Variants in ZMIZ1 observed in about 807,000 individuals in gnomAD.
ZMIZ1 encodes the protein zinc finger MIZ-type containing 1.
Under a neutral mutation model 113.9 loss-of-function variants are expected in ZMIZ1, and 17 were observed. The observed-to-expected ratio is 0.15, with a 90% CI of 0.10 to 0.22. The LOEUF is 0.22. Ranked by LOEUF, ZMIZ1 falls within the 10% of genes least tolerant of loss-of-function variation. The pLI is 1.00. For synonymous variants in ZMIZ1, 607 were observed against 603.1 expected, an observed-to-expected ratio of 1.01 and a Z score of -0.09; for missense variants, 1,059 against 1,477.8, an observed-to-expected ratio of 0.72 and a Z score of 4.65.
chr10:79,264,463 C>T (rs925631895), intron 7 of ZMIZ1, among the ~76,000 whole-genome samples: 5 of 152,226 alleles, frequency 3.3e-5, no homozygotes, highest in African/African-American at 1.2e-4. Context: ...CACCTCTCCC[C>T]TCTCCAGCAC....
chr10:79,274,880 G>C (rs530058739), intron 7 of ZMIZ1, among the ~76,000 whole-genome samples: 1 of 152,314 alleles, frequency 6.6e-6, no homozygotes, highest in Non-Finnish European at 1.5e-5. Flanking sequence ...CCGTGACATT[G>C]GAGGAAAGCC....
intron 1 of ZMIZ1, among the ~76,000 whole-genome samples, chr10:79,108,198 C>T (rs1265040945): frequency 2.0e-5 from 3 of 152,212 alleles, no homozygotes; most frequent in Non-Finnish European, 4.4e-5. Flanking sequence ...TCAGCATCCA[C>T]AGAGGAGCTT....
At chr10:79,273,545 A>G (rs1852076454) in intron 7 of ZMIZ1, among the ~76,000 whole-genome samples, 1 of 152,090 alleles carries the variant, frequency 6.6e-6, no homozygotes, top group Non-Finnish European at 1.5e-5. Context: ...TTTAGTAGAG[A>G]CAGCATTTCA....
chr10:79,250,605 G>C (rs1315174393), intron 7 of ZMIZ1, among the ~76,000 whole-genome samples: 1 of 152,364 alleles, frequency 6.6e-6, no homozygotes, highest in South Asian at 2.1e-4. Context: ...AAGCCCGCCA[G>C]TGATTTGCAC....
chr10:79,247,549 C>T (rs1477886509), intron 7 of ZMIZ1, among the ~76,000 whole-genome samples: 1 of 152,232 alleles, frequency 6.6e-6, no homozygotes, highest in Non-Finnish European at 1.5e-5. Context: ...AGCCATGGCC[C>T]TGACTTCTCC....
At chr10:79,292,997 G>T in intron 11 of ZMIZ1, 1 of 443,238 alleles carries the variant, frequency 2.3e-6, no homozygotes, top group Non-Finnish European at 4.4e-6. Context: ...AGGGGCTGCA[G>T]TCTCACTCGG....
intron 4 of ZMIZ1, among the ~76,000 whole-genome samples, chr10:79,168,378 C>T (rs763643032): frequency 1.3e-5 from 2 of 152,230 alleles, no homozygotes; most frequent in Non-Finnish European, 2.9e-5. Context: ...CATCTGCACA[C>T]AGGCACCCCA....
chr10:79,181,726 G>A (rs2132572176), intron 4 of ZMIZ1, among the ~76,000 whole-genome samples: 1 of 151,582 alleles, frequency 6.6e-6, no homozygotes, highest in East Asian at 2.0e-4. Flanking sequence ...GCCAGCCCTG[G>A]GACCTTGAGC....
intron 4 of ZMIZ1, among the ~76,000 whole-genome samples, chr10:79,178,868 C>T (rs1846986089): frequency 6.6e-6 from 1 of 152,154 alleles, no homozygotes; most frequent in African/African-American, 2.4e-5. Context: ...TGGTGGCAAC[C>T]ATGGGCCGTG....
chr10:79,306,278 G>A lies in ZMIZ1; in HGVS notation c.2602G>A (p.Gly868Ser), dbSNP rs887582331. Residue 868 changes from glycine to serine, a missense_variant, in exon 22 of 25, where the codon GGC (glycine) becomes AGC (serine). Transcript: ENST00000334512. ...VMEMIAALGP[G>S]PSPYPLPPPP... ...GGAGATGATCGCAGCCCTGGGCCCC[G>A]GCCCGTCCCCCTATCCCCTCCCGCC... The A allele has an allele frequency of 5.6e-6, 9 of 1,613,730 alleles. No individual in the cohort carries two copies. The highest frequency in any genetic ancestry group is 1.3e-5 in the African/African-American group (1 of 74,918).
chr10:79,314,165 G>T lies in ZMIZ1; in HGVS notation c.*1416G>T. On this transcript the variant is annotated 3_prime_UTR_variant, in exon 25 of 25. Transcript: ENST00000334512. ...TCCCTCCACCGCTTTGCTCCATCTGGCTTACCACTCTCCAGGGCCTCCTGG... is the reference window on the plus strand; with the variant it reads ...TCCCTCCACCGCTTTGCTCCATCTGTCTTACCACTCTCCAGGGCCTCCTGG... 2.2e-6 allele frequency: 1 copy of T among 457,022 alleles called. No homozygotes were observed. The highest frequency in any genetic ancestry group is 4.4e-6 in the Non-Finnish European group (1 of 226,992). 28.3% of individuals were successfully genotyped at this position (457,022 alleles called of 1,614,324 possible).
intron 7 of ZMIZ1, among the ~76,000 whole-genome samples, chr10:79,276,937 C>T (rs1003381209): frequency 2.6e-5 from 4 of 152,162 alleles, no homozygotes; most frequent in Non-Finnish European, 5.9e-5. Context: ...TTCCTGCACG[C>T]GGGCCATTCT....
intron 1 of ZMIZ1, among the ~76,000 whole-genome samples, chr10:79,076,160 C>G (rs913415642): frequency 2.0e-5 from 3 of 152,152 alleles, no homozygotes; most frequent in African/African-American, 7.2e-5. Context: ...GAAACTGAAC[C>G]ATGGAAAGAA....
chr10:79,107,259 C>T (rs1283818584), intron 1 of ZMIZ1, among the ~76,000 whole-genome samples: 2 of 152,246 alleles, frequency 1.3e-5, no homozygotes, highest in African/African-American at 4.8e-5. Context: ...ATTCAGTCAG[C>T]TTTTGTAGCC....
At chr10:79,238,576 G>A (rs1292684139) in intron 7 of ZMIZ1, among the ~76,000 whole-genome samples, 1 of 152,228 alleles carries the variant, frequency 6.6e-6, no homozygotes, top group African/African-American at 2.4e-5. Context: ...TGTGGTATGA[G>A]GGAAAGAATA....
intron 7 of ZMIZ1, among the ~76,000 whole-genome samples, chr10:79,221,217 G>A (rs1848953569): frequency 1.3e-5 from 2 of 152,192 alleles, no homozygotes; most frequent in Non-Finnish European, 2.9e-5. Flanking sequence ...GAGAGCTGGC[G>A]GTGAGCCGGC....
At chr10:79,262,441 A>T (rs897089728) in intron 7 of ZMIZ1, among the ~76,000 whole-genome samples, 2 of 152,246 alleles carry the variant, frequency 1.3e-5, no homozygotes, top group African/African-American at 4.8e-5. Context: ...CTGGGACCGC[A>T]CCATCCAGAC....
chr10:79,197,570 A>G (rs968016364), intron 4 of ZMIZ1, among the ~76,000 whole-genome samples: 1 of 145,806 alleles, frequency 6.9e-6, no homozygotes, highest in African/African-American at 2.6e-5. Flanking sequence ...AGCTGCCCTG[A>G]TTACGCCCCT....
chr10:79,281,481 G>A (rs1479660953), intron 8 of ZMIZ1, among the ~76,000 whole-genome samples: 1 of 152,158 alleles, frequency 6.6e-6, no homozygotes, highest in Non-Finnish European at 1.5e-5. Flanking sequence ...AAATGTTATG[G>A]GCCGAAGAGC....
Sources: gnomAD v4.1 joint callset for allele counts (sites outside exome capture counted in the v4.1 genomes callset) on GRCh38, gnomAD v4.1.1 for gene constraint, MANE v1.5 for transcripts, NCBI Gene and HGNC (gene_info 2026-07-23, HGNC 2026-07-21) for gene names.